The following ELMO1 variants were observed in gnomAD, a reference collection of about 807,000 sequenced individuals.
The protein encoded by ELMO1 is engulfment and cell motility 1, also known as engulfment and cell motility protein 1.
ELMO1 carries 26 observed loss-of-function variants against 98.9 expected under a neutral mutation model. The observed-to-expected ratio is 0.26, with a 90% CI of 0.19 to 0.36. The LOEUF (loss-of-function observed/expected upper bound fraction) is 0.36. Among genes scored for constraint, ELMO1 ranks in the 10% least tolerant of loss-of-function variants. ELMO1 has a pLI of 1.00. For synonymous variants in ELMO1, 346 were observed against 346.0 expected (o/e 1.00, Z 0.00); for missense variants, 627 against 935.2 (o/e 0.67, Z 4.30).
intron 16 of ELMO1, among the ~76,000 whole-genome samples, chr7:36,925,721 A>G (rs902978325): frequency 2.0e-5 from 3 of 152,226 alleles, no homozygotes; most frequent in African/African-American, 7.2e-5. Flanking sequence ...AAAAGGCAAA[A>G]GGTCCAAATG....
At chr7:37,233,419 C>A (rs1794291284) in intron 7 of ELMO1, among the ~76,000 whole-genome samples, 1 of 152,158 alleles carries the variant, frequency 6.6e-6, no homozygotes, top group Non-Finnish European at 1.5e-5. Context: ...AGGGCTTCAG[C>A]ATCCAACAGA....
chr7:37,254,026 T>C (rs1245908029), intron 6 of ELMO1, among the ~76,000 whole-genome samples: 4 of 152,302 alleles, frequency 2.6e-5, no homozygotes, highest in African/African-American at 9.6e-5. Context: ...CAGGATTTCT[T>C]ATAGAAAAAT....
intron 15 of ELMO1, among the ~76,000 whole-genome samples, chr7:37,019,469 C>G (rs745480000): frequency 5.3e-5 from 8 of 152,186 alleles, no homozygotes; most frequent in Non-Finnish European, 1.0e-4. Flanking sequence ...CAAGTGTGGG[C>G]CAACACGGTG....
intron 15 of ELMO1, among the ~76,000 whole-genome samples, chr7:37,031,132 G>A (rs1794856909): frequency 6.6e-6 from 1 of 152,054 alleles, no homozygotes; most frequent in Admixed American, 6.6e-5. Flanking sequence ...TCCGGATTAA[G>A]ACAAAAGGCT....
At position 37,013,374 on chromosome 7, in the gene ELMO1, C is replaced by A; in HGVS notation, c.1362G>T (p.Glu454Asp). 1 of 1,614,120 alleles carries A rather than the reference C, an allele frequency of 6.2e-7. No homozygotes were observed. The highest frequency in any genetic ancestry group is 1.7e-5 in the Admixed American group (1 of 60,014). ...GGAGCTGGATACAGATGCAGAAAAA[C>A]TCCTCAAAGGATCTGTCGTGGGTGA... is the stretch of plus-strand genomic sequence containing the variant. ...MFFTHDRSFE[E>D]FFCICIQLLN... The change falls in exon 16 of 22, where the codon GAG (glutamate) becomes GAT (aspartate). Residue 454 changes from glutamate (E) to aspartate (D), a missense_variant. Physicochemically the swap from Glu to Asp is conservative, Grantham distance 45 (BLOSUM62 2). Around this residue, in one of 3 missense-constraint regions of ELMO1, gnomAD observed 492 missense variants for 715.6 expected, o/e 0.69. Transcript: ENST00000310758.
At chr7:37,009,479 C>T (rs1013836101) in intron 16 of ELMO1, among the ~76,000 whole-genome samples, 1 of 152,206 alleles carries the variant, frequency 6.6e-6, no homozygotes, top group Non-Finnish European at 1.5e-5. Flanking sequence ...TTTCCAAACA[C>T]CCTCTTCCAG....
chr7:36,959,255 C>T (rs1788734855), intron 16 of ELMO1, among the ~76,000 whole-genome samples: 1 of 152,072 alleles, frequency 6.6e-6, no homozygotes, highest in Non-Finnish European at 1.5e-5. Context: ...CAGGGGCCTC[C>T]TCATCTGCCT....
intron 16 of ELMO1, among the ~76,000 whole-genome samples, chr7:36,895,311 G>T (rs1805901345): frequency 1.3e-5 from 2 of 152,220 alleles, no homozygotes; most frequent in Non-Finnish European, 2.9e-5. Context: ...GACTGCTGCT[G>T]ACTCAACACT....
intron 15 of ELMO1, among the ~76,000 whole-genome samples, chr7:37,032,122 C>A (rs1256559198): frequency 1.3e-5 from 2 of 152,194 alleles, no homozygotes; most frequent in Non-Finnish European, 2.9e-5. Flanking sequence ...TGCACCCCTA[C>A]TGATTGGCTT....
At chr7:37,279,337 G>C (rs1212987056) in intron 4 of ELMO1, among the ~76,000 whole-genome samples, 2 of 152,190 alleles carry the variant, frequency 1.3e-5, no homozygotes, top group South Asian at 2.1e-4. Flanking sequence ...ATGGCGGACG[G>C]GAGGCAGGAC....
rs1799139725 is a variant in ELMO1, at chr7:37,316,085, T to G, written c.79-125A>C. On this transcript the variant is annotated intron_variant, in intron 2 of 21. Coordinates refer to ENST00000310758, the MANE Select transcript of ELMO1 (RefSeq NM_014800.11). ...AATTTACATTTGCTATTCTTAGTTG[T>G]TGTCAATGAGTCTCTTATTTTTCTC... 3 of 766,192 alleles carry G rather than the reference T, an allele frequency of 3.9e-6. No homozygotes were observed. The South Asian group carries it at 5.2e-5, about 13-fold the overall frequency. 47.5% of individuals were successfully genotyped at this position (766,192 alleles called of 1,614,324 possible). A position where few individuals can be genotyped will look rare whatever the true frequency, so the allele number is the denominator to read the frequency against.
intron 13 of ELMO1, among the ~76,000 whole-genome samples, chr7:37,163,415 C>A (rs1789375507): frequency 1.3e-5 from 2 of 151,722 alleles, no homozygotes; most frequent in Non-Finnish European, 2.9e-5. Flanking sequence ...CATATGTATA[C>A]ATGTGCCATG....
At chr7:36,942,498 G>A (rs542525259) in intron 16 of ELMO1, among the ~76,000 whole-genome samples, 1 of 152,298 alleles carries the variant, frequency 6.6e-6, no homozygotes, top group South Asian at 2.1e-4. Context: ...GAGACAGGTG[G>A]GTGCTGCCAC....
At chr7:37,225,173 G>A (rs928514083) in intron 8 of ELMO1, 143 bp from the exon 9 acceptor site, 3 of 859,832 alleles carry the variant, frequency 3.5e-6, no homozygotes, top group Non-Finnish European at 5.4e-6. Flanking sequence ...AAAATAGCAA[G>A]AAACCCATTG....
intron 5 of ELMO1, chr7:37,270,630 A>C (rs1796500690): frequency 6.6e-6 from 1 of 152,158 alleles, no homozygotes; most frequent in South Asian, 2.1e-4. Context: ...AATATAGTTA[A>C]ATATGCTAAT....
At chr7:37,160,692 C>G (rs1267716580) in intron 13 of ELMO1, among the ~76,000 whole-genome samples, 1 of 152,160 alleles carries the variant, frequency 6.6e-6, no homozygotes, top group Non-Finnish European at 1.5e-5. Flanking sequence ...AGAGCCCACC[C>G]TTGAGAGAAC....
chr7:36,919,155 G>A (rs756319204), intron 16 of ELMO1, among the ~76,000 whole-genome samples: 4 of 152,284 alleles, frequency 2.6e-5, no homozygotes, highest in South Asian at 4.1e-4. Context: ...AAGTAAATAT[G>A]CACCTTGGGT....
chr7:37,439,150 C>T (rs908284981), intron 1 of ELMO1, among the ~76,000 whole-genome samples: 2 of 152,206 alleles, frequency 1.3e-5, no homozygotes, highest in Admixed American at 1.3e-4. Flanking sequence ...TCTGCCCCTC[C>T]CTCCAGCTGT....
chr7:37,081,396 T>C (rs1797859598), intron 15 of ELMO1, among the ~76,000 whole-genome samples: 3 of 152,240 alleles, frequency 2.0e-5, no homozygotes, highest in Admixed American at 2.0e-4. Context: ...TGCGTATTAG[T>C]TCATTTTTAT....
Sources: gnomAD v4.1 joint callset for allele counts (sites outside exome capture counted in the v4.1 genomes callset) on GRCh38, gnomAD v4.1.1 for gene constraint, gnomAD v4.1.1 regional missense constraint, MANE v1.5 for transcripts, NCBI Gene and HGNC (gene_info 2026-07-23, HGNC 2026-07-21) for gene names.